Variants in PRIM2 observed in about 807,000 individuals in gnomAD.
The protein encoded by PRIM2 is DNA primase large subunit.
Under a neutral mutation model 67.3 loss-of-function variants are expected in PRIM2, and 39 were observed. The ratio of observed to expected loss-of-function variants is 0.58; its 90% CI spans 0.45 to 0.76. The LOEUF (loss-of-function observed/expected upper bound fraction) is 0.76, where lower values mean the gene tolerates loss of function less well. PRIM2 is among the 30% of genes least tolerant of loss of function. The pLI is 0.00. For synonymous variants in PRIM2, 143 were observed against 198.7 expected (o/e 0.72, Z 2.36); for missense variants, 398 against 598.7 (o/e 0.66, Z 3.50).
At chr6:57,566,604 G>C (rs1775746012) in intron 10 of PRIM2, among the ~76,000 whole-genome samples, 1 of 152,044 alleles carries the variant, frequency 6.6e-6, no homozygotes, top group Non-Finnish European at 1.5e-5. Context: ...TCAAACCTAA[G>C]TTTTTGATAC....
At chr6:57,613,601 A>G (rs1395560191) in intron 12 of PRIM2, among the ~76,000 whole-genome samples, 1 of 152,170 alleles carries the variant, frequency 6.6e-6, no homozygotes, top group African/African-American at 2.4e-5. Context: ...CCTACTTGCA[A>G]GCTAAGAACT....
chr6:57,630,168 C>A (rs1305259419), intron 12 of PRIM2, among the ~76,000 whole-genome samples: 211 of 150,830 alleles, frequency 1.4e-3, no homozygotes, highest in Non-Finnish European at 2.4e-3. Context: ...TTTATAGAAA[C>A]CTTCATCTAT....
chr6:57,526,207 C>G (rs1554349380), intron 8 of PRIM2, among the ~76,000 whole-genome samples: 1 of 152,120 alleles, frequency 6.6e-6, no homozygotes, highest in Non-Finnish European at 1.5e-5. Flanking sequence ...AGATAGATTT[C>G]TAATGTAATT....
intron 10 of PRIM2, among the ~76,000 whole-genome samples, chr6:57,564,073 G>T: frequency 1.3e-5 from 2 of 152,178 alleles, no homozygotes; most frequent in East Asian, 3.8e-4. Context: ...ACATAATTAT[G>T]TAGATTTAAA....
At chr6:57,373,099 T>C (rs887601485) in intron 5 of PRIM2, among the ~76,000 whole-genome samples, 7 of 152,212 alleles carry the variant, frequency 4.6e-5, no homozygotes, top group African/African-American at 1.7e-4. Flanking sequence ...AGCATTCCTT[T>C]TTCTCCACAA....
intron 12 of PRIM2, among the ~76,000 whole-genome samples, chr6:57,621,943 G>A (rs1233530220): frequency 6.7e-6 from 1 of 149,132 alleles, no homozygotes; most frequent in Non-Finnish European, 1.5e-5. Context: ...TTGGTTGACA[G>A]TTTTTTTTTT....
intron 8 of PRIM2, among the ~76,000 whole-genome samples, chr6:57,519,537 C>G (rs1774567339): frequency 6.6e-6 from 1 of 152,212 alleles, no homozygotes; most frequent in African/African-American, 2.4e-5. Flanking sequence ...TTCCGCCCGG[C>G]TCACCAGCGG....
At position 57,320,477 on chromosome 6, in the gene PRIM2, C is replaced by A; in HGVS notation, c.175C>A (p.Leu59Ile). 6.2e-7 allele frequency: 1 copy of A among 1,603,464 alleles called. No homozygotes were observed. Among genetic ancestry groups the A allele is most frequent in the African/African-American group, 1.3e-5 (1 of 74,584 alleles). ...TTTAGTGTTAAAATCAGTTGAAAAT[C>A]TTGGAGTGAGCTATGTGAAAGGAAC... ...RVKLLKSVENLGVSYVKGTEQ... is the reference protein window; with the variant it reads ...RVKLLKSVENIGVSYVKGTEQ... The change falls in exon 3 of 14, where the codon CTT becomes ATT. Residue 59 changes from leucine (L) to isoleucine (I), a missense_variant. By Grantham distance (5) the Leu-to-Ile change is conservative (BLOSUM62 2). Transcript: ENST00000615550.
At chr6:57,457,770 A>G (rs77236898) in intron 7 of PRIM2, among the ~76,000 whole-genome samples, 2 of 152,086 alleles carry the variant, frequency 1.3e-5, no homozygotes, top group African/African-American at 4.8e-5. Flanking sequence ...CTCGGCTCAC[A>G]TACGGTGTGC....
upstream of PRIM2, among the ~76,000 whole-genome samples, chr6:57,315,610 A>G (rs1767465340): frequency 6.6e-6 from 1 of 151,408 alleles, no homozygotes; most frequent in Non-Finnish European, 1.5e-5. Flanking sequence ...TCTATGAGTT[A>G]CCTCTTCTTC....
chr6:57,564,696 G>C (rs1310730056), intron 10 of PRIM2, among the ~76,000 whole-genome samples: 1 of 152,162 alleles, frequency 6.6e-6, no homozygotes, highest in African/African-American at 2.4e-5. Context: ...TTGTGAGAAG[G>C]TAGATAGGGA....
intron 5 of PRIM2, among the ~76,000 whole-genome samples, chr6:57,335,512 T>G (rs1355513981): frequency 6.6e-6 from 1 of 152,158 alleles, no homozygotes; most frequent in Non-Finnish European, 1.5e-5. Flanking sequence ...CAGCTGGAGA[T>G]CTGAGAATGG....
chr6:57,560,224 A>G (rs1361767861), intron 10 of PRIM2, among the ~76,000 whole-genome samples: 1 of 151,992 alleles, frequency 6.6e-6, no homozygotes, highest in Non-Finnish European at 1.5e-5. Flanking sequence ...CATCAGGAAT[A>G]GAAACCACCT....
chr6:57,534,079 A>G (rs1774948339), intron 9 of PRIM2, among the ~76,000 whole-genome samples: 1 of 151,924 alleles, frequency 6.6e-6, no homozygotes, highest in African/African-American at 2.4e-5. Context: ...CTCTTCTCCA[A>G]ATGTTTTCTT....
At chr6:57,610,151 C>T (rs1427259243) in intron 12 of PRIM2, among the ~76,000 whole-genome samples, 1 of 152,156 alleles carries the variant, frequency 6.6e-6, no homozygotes, top group Non-Finnish European at 1.5e-5. Flanking sequence ...TCACTGCAAC[C>T]TCCACCTGCC....
intron 6 of PRIM2, among the ~76,000 whole-genome samples, chr6:57,381,490 A>G (rs1769958806): frequency 1.3e-5 from 2 of 152,052 alleles, no homozygotes; most frequent in South Asian, 2.1e-4. Context: ...TCTTGGGGCA[A>G]ATACTTCTTT....
intron 13 of PRIM2, among the ~76,000 whole-genome samples, chr6:57,635,667 C>T (rs1777108725): frequency 6.6e-6 from 1 of 152,172 alleles, no homozygotes; most frequent in Non-Finnish European, 1.5e-5. Flanking sequence ...CACACATTTT[C>T]CTGCAATCTT....
At chr6:57,565,251 C>A (rs1485493654) in intron 10 of PRIM2, among the ~76,000 whole-genome samples, 1 of 149,448 alleles carries the variant, frequency 6.7e-6, no homozygotes, top group Non-Finnish European at 1.5e-5. Context: ...AAACAGTTAT[C>A]AGTCTTTTCC....
intron 10 of PRIM2, among the ~76,000 whole-genome samples, chr6:57,591,819 G>T (rs1177545884): frequency 6.6e-6 from 1 of 151,734 alleles, no homozygotes; most frequent in Non-Finnish European, 1.5e-5. Context: ...CCATTACTAC[G>T]TATATACCCA....
Sources: gnomAD v4.1 joint callset for allele counts (sites outside exome capture counted in the v4.1 genomes callset) on GRCh38, gnomAD v4.1.1 for gene constraint, MANE v1.5 for transcripts, NCBI Gene and HGNC (gene_info 2026-07-23, HGNC 2026-07-21) for gene names.